The following RELCH variants were observed in gnomAD, a reference collection of about 807,000 sequenced individuals.
RELCH encodes RAB11 binding and LisH domain, coiled-coil and HEAT repeat containing.
RELCH carries 41 observed loss-of-function variants against 150.3 expected under a neutral mutation model. The ratio of observed to expected loss-of-function variants is 0.27; its 90% CI spans 0.21 to 0.35. The LOEUF (loss-of-function observed/expected upper bound fraction) is 0.35, where lower values mean the gene tolerates loss of function less well. RELCH is among the 10% of genes least tolerant of loss of function. The pLI, the probability that RELCH is intolerant of heterozygous loss-of-function variation, is 1.00. For synonymous variants in RELCH, 478 were observed against 531.8 expected (o/e 0.90, Z 1.39); for missense variants, 1,092 against 1,467.8 (o/e 0.74, Z 4.18).
chr18:62,280,610 C>T, intron 23 of RELCH, 36 bp from the exon 24 acceptor site: 1 of 1,536,394 alleles, frequency 6.5e-7, no homozygotes, highest in Non-Finnish European at 9.0e-7. Context: ...TTGTTCATCT[C>T]AAATCTTCAG....
intron 1 of RELCH, among the ~76,000 whole-genome samples, chr18:62,194,152 A>G (rs1487784225): frequency 6.6e-6 from 1 of 152,058 alleles, no homozygotes; most frequent in Non-Finnish European, 1.5e-5. Context: ...AGAGGCTGAG[A>G]TAGGAGGATC....
chr18:62,201,739 A>G (rs2039461333), intron 1 of RELCH, among the ~76,000 whole-genome samples: 1 of 152,178 alleles, frequency 6.6e-6, no homozygotes, highest in African/African-American at 2.4e-5. Flanking sequence ...TTATATATCC[A>G]TGTCCTTTAA....
chr18:62,220,447 A>G (rs1341764569), intron 2 of RELCH, among the ~76,000 whole-genome samples: 2 of 146,580 alleles, frequency 1.4e-5, no homozygotes, highest in Non-Finnish European at 3.0e-5. Context: ...AGAAAAATGT[A>G]TAGGCATCAC....
At chr18:62,188,084 G>GT (rs1415094682) in intron 1 of RELCH, 53 bp downstream of exon 1, 10 of 1,475,664 alleles carry the variant, frequency 6.8e-6, no homozygotes, top group Non-Finnish European at 9.0e-6. Flanking sequence ...ATTGTACGGA[G>GT]TTACTGTAGG....
At chr18:62,259,003 G>A (rs2043127987) in intron 15 of RELCH, among the ~76,000 whole-genome samples, 1 of 151,956 alleles carries the variant, frequency 6.6e-6, no homozygotes, top group Non-Finnish European at 1.5e-5. Context: ...ATCAACTCTA[G>A]TTCCAGAATG....
intron 12 of RELCH, 64 bp downstream of exon 12, chr18:62,252,818 T>C: frequency 8.0e-7 from 1 of 1,244,762 alleles, no homozygotes; most frequent in East Asian, 2.4e-5. Flanking sequence ...AGATACATAG[T>C]TTCCTTTTTA....
intron 10 of RELCH, among the ~76,000 whole-genome samples, chr18:62,242,587 A>G (rs926524711): frequency 1.3e-5 from 2 of 152,140 alleles, no homozygotes; most frequent in African/African-American, 4.8e-5. Flanking sequence ...CTAAGTGGTA[A>G]ACTAAGGTAA....
In RELCH at chr18:62,244,790, A is replaced by C; in HGVS notation, c.1647A>C (p.Thr549=). Residue 549 remains threonine (T), a synonymous_variant, in exon 11 of 29, where the codon ACA becomes ACC. Coordinates refer to ENST00000644646, the MANE Select transcript of RELCH (RefSeq NM_001346231.2). ...REELIPLILC[T]ACLHPEPKER... is the part of the protein sequence containing the mutation. ...AGTTGATCCCCCTCATATTGTGTAC[A>C]GCATGTCTACATCCTGAGCCTAAAG... is the stretch of plus-strand genomic sequence containing the variant. The C allele has an allele frequency of 2.5e-6, 4 of 1,613,172 alleles. No individual in the cohort carries two copies. Among genetic ancestry groups the C allele is most frequent in the Non-Finnish European group, 3.4e-6 (4 of 1,179,226 alleles).
At chr18:62,222,706 G>A (rs1190752297) in intron 5 of RELCH, among the ~76,000 whole-genome samples, 1 of 151,904 alleles carries the variant, frequency 6.6e-6, no homozygotes, top group African/African-American at 2.4e-5. Flanking sequence ...CTTGTGCTAT[G>A]TTATCAACCA....
intron 10 of RELCH, among the ~76,000 whole-genome samples, chr18:62,237,108 TTG>T (rs1405217751): frequency 6.6e-6 from 1 of 151,860 alleles, no homozygotes; most frequent in African/African-American, 2.4e-5. Flanking sequence ...TCCATTTTTC[TTG>T]TGTTACTGAT....
At chr18:62,198,417 G>A (rs972353029) in intron 1 of RELCH, among the ~76,000 whole-genome samples, 1 of 152,208 alleles carries the variant, frequency 6.6e-6, no homozygotes, top group African/African-American at 2.4e-5. Flanking sequence ...AATCATGGGT[G>A]TAGCCTTCTT....
At chr18:62,283,327 C>G (rs570677441) in intron 25 of RELCH, among the ~76,000 whole-genome samples, 1 of 152,236 alleles carries the variant, frequency 6.6e-6, no homozygotes, top group South Asian at 2.1e-4. Context: ...ACATTTATGG[C>G]CACAATTTCT....
At chr18:62,208,356 C>CTAAAAAAA (rs2039943808) in intron 1 of RELCH, among the ~76,000 whole-genome samples, 1 of 132,528 alleles carries the variant, frequency 7.5e-6, no homozygotes. Flanking sequence ...ACTTTTAAAG[C>CTAAAAAAA]AAAAAAAAAA....
chr18:62,252,152 C>T (rs890064017), intron 11 of RELCH, among the ~76,000 whole-genome samples: 11 of 150,152 alleles, frequency 7.3e-5, no homozygotes, highest in East Asian at 2.0e-4. Flanking sequence ...GGTGCCACCA[C>T]GCCCGGCTAA....
chr18:62,291,085 T>G (rs1317025374), intron 26 of RELCH, among the ~76,000 whole-genome samples: 1 of 152,180 alleles, frequency 6.6e-6, no homozygotes, highest in Non-Finnish European at 1.5e-5. Flanking sequence ...TTTTTCTAGA[T>G]TTTTATATTT....
intron 5 of RELCH, among the ~76,000 whole-genome samples, chr18:62,222,555 A>G (rs779717788): frequency 7.9e-5 from 12 of 151,998 alleles, no homozygotes; most frequent in Non-Finnish European, 1.3e-4. Flanking sequence ...TGGTTAGATT[A>G]AAACCTAGCT....
intron 11 of RELCH, chr18:62,246,700 C>T (rs1330213023): frequency 6.6e-6 from 1 of 152,162 alleles, no homozygotes; most frequent in Non-Finnish European, 1.5e-5. Context: ...GTAGAATGCA[C>T]TAAGTCAGAC....
chr18:62,301,025 AATAAAG>A (rs1468173555), intron 28 of RELCH: 2 of 152,238 alleles, frequency 1.3e-5, no homozygotes, highest in Non-Finnish European at 2.9e-5. Flanking sequence ...AGCAGTTAAA[AATAAAG>A]ATAAACACTA....
chr18:62,278,985 A>G (rs997351867), intron 22 of RELCH, among the ~76,000 whole-genome samples: 5 of 152,098 alleles, frequency 3.3e-5, no homozygotes, highest in African/African-American at 1.2e-4. Context: ...AAATAATTAA[A>G]CTCTCATTTC....
Sources: gnomAD v4.1 joint callset for allele counts (sites outside exome capture counted in the v4.1 genomes callset) on GRCh38, gnomAD v4.1.1 for gene constraint, MANE v1.5 for transcripts, NCBI Gene and HGNC (gene_info 2026-07-23, HGNC 2026-07-21) for gene names.